CFDP1: variants seen among roughly 807,000 people sequenced by gnomAD.
The protein encoded by CFDP1 is chromatin remodeling protein CFDP1.
In CFDP1, 31 loss-of-function variants were observed where a neutral mutation model predicts 40.1. That is an observed-to-expected ratio of 0.77 (90% CI 0.58 to 1.04). The LOEUF is 1.04. CFDP1 is among the 50% of genes least tolerant of loss of function. The probability of loss-of-function intolerance (pLI) is 0.00; values close to 1 mark genes in which losing one functional copy is unlikely to be tolerated. For missense variants in CFDP1, 423 were observed against 343.4 expected (o/e 1.23, Z -1.83); for synonymous variants, 167 against 120.0 (o/e 1.39, Z -2.56).
intron 5 of CFDP1, among the ~76,000 whole-genome samples, chr16:75,392,947 T>C (rs191211719): frequency 1.3e-5 from 2 of 152,180 alleles, no homozygotes; most frequent in Admixed American, 6.5e-5. Context: ...TTCTGCTCAG[T>C]GGGAGAGAAA....
At chr16:75,373,725 A>T (rs1400116410) in intron 5 of CFDP1, among the ~76,000 whole-genome samples, 1 of 152,118 alleles carries the variant, frequency 6.6e-6, no homozygotes, top group Non-Finnish European at 1.5e-5. Flanking sequence ...ACTCCTGGCT[A>T]CAAGACTGTA....
intron 5 of CFDP1, among the ~76,000 whole-genome samples, chr16:75,375,941 T>C (rs2151543556): frequency 6.6e-6 from 1 of 152,212 alleles, no homozygotes; most frequent in South Asian, 2.1e-4. Flanking sequence ...GACTGAGCGT[T>C]GTGGCTCATG....
At chr16:75,308,597 G>C (rs1270679282) in intron 5 of CFDP1, among the ~76,000 whole-genome samples, 1 of 152,182 alleles carries the variant, frequency 6.6e-6, no homozygotes. Flanking sequence ...ACCAATTCAT[G>C]GAAGAGAATC....
At chr16:75,409,369 G>C (rs1299774557) in intron 4 of CFDP1, 4 of 152,120 alleles carry the variant, frequency 2.6e-5, no homozygotes, top group African/African-American at 7.2e-5. Flanking sequence ...CACTTGGAAG[G>C]GGCAGGTGGC....
chr16:75,317,019 T>C (rs1310737703), intron 5 of CFDP1, among the ~76,000 whole-genome samples: 1 of 151,840 alleles, frequency 6.6e-6, no homozygotes, highest in East Asian at 1.9e-4. Flanking sequence ...AAAATAAAAA[T>C]AAAAAGTAAA....
intron 5 of CFDP1, among the ~76,000 whole-genome samples, chr16:75,373,069 G>A (rs1483292866): frequency 6.6e-6 from 1 of 152,072 alleles, no homozygotes; most frequent in Admixed American, 6.5e-5. Context: ...GAGATAAAAG[G>A]GTGACAATTT....
chr16:75,315,045 C>G (rs553087206), intron 5 of CFDP1, among the ~76,000 whole-genome samples: 1 of 152,166 alleles, frequency 6.6e-6, no homozygotes, highest in African/African-American at 2.4e-5. Context: ...AGCCACCATA[C>G]CTGGCCAGGA....
intron 5 of CFDP1, among the ~76,000 whole-genome samples, chr16:75,318,221 C>T (rs925843808): frequency 7.9e-5 from 12 of 152,082 alleles, no homozygotes; most frequent in South Asian, 4.1e-4. Context: ...GCTGGTCTGA[C>T]GGCTGGAGCC....
At chr16:75,376,633 C>T (rs991962613) in intron 5 of CFDP1, among the ~76,000 whole-genome samples, 4 of 152,112 alleles carry the variant, frequency 2.6e-5, no homozygotes, top group African/African-American at 7.2e-5. Context: ...TCTGGAGTGA[C>T]GGAATCATAC....
intron 5 of CFDP1, among the ~76,000 whole-genome samples, chr16:75,347,006 CTTTA>C (rs1463634052): frequency 1.3e-5 from 2 of 152,008 alleles, no homozygotes; most frequent in African/African-American, 4.8e-5. Flanking sequence ...GTCAGCATTT[CTTTA>C]TTAATAGCAT....
At chr16:75,301,464 C>T (rs1183963311) in intron 6 of CFDP1, among the ~76,000 whole-genome samples, 1 of 151,624 alleles carries the variant, frequency 6.6e-6, no homozygotes, top group Non-Finnish European at 1.5e-5. Flanking sequence ...ACAGCCTGCC[C>T]AGAGCCTGTG....
intron 4 of CFDP1, among the ~76,000 whole-genome samples, chr16:75,402,763 G>A (rs950842767): frequency 6.6e-6 from 1 of 152,032 alleles, no homozygotes; most frequent in African/African-American, 2.4e-5. Flanking sequence ...TTCAGATCTC[G>A]TAAGTCCCCT....
intron 4 of CFDP1, among the ~76,000 whole-genome samples, chr16:75,401,589 G>A (rs1372533404): frequency 6.6e-6 from 1 of 152,004 alleles, no homozygotes; most frequent in Admixed American, 6.6e-5. Context: ...GACAAGGTGC[G>A]ACTCCGTCTC....
At chr16:75,367,735 G>T (rs533426441) in intron 5 of CFDP1, among the ~76,000 whole-genome samples, 52 of 148,456 alleles carry the variant, frequency 3.5e-4, no homozygotes, top group African/African-American at 1.2e-3. Flanking sequence ...AGAGGTTGCC[G>T]TGAGCCAAGA....
intron 5 of CFDP1, among the ~76,000 whole-genome samples, chr16:75,388,456 G>A (rs562814784): frequency 2.6e-5 from 4 of 152,186 alleles, no homozygotes; most frequent in African/African-American, 4.8e-5. Context: ...GGGAAAAGCA[G>A]TTGCCTACAG....
chr16:75,406,457 C>G (rs935321381), intron 4 of CFDP1: 32 of 152,208 alleles, frequency 2.1e-4, no homozygotes, highest in African/African-American at 7.7e-4. Flanking sequence ...AATCCCAGCA[C>G]TTTGGGAGGC....
chr16:75,377,207 T>C (rs531804627), intron 5 of CFDP1, among the ~76,000 whole-genome samples: 2 of 152,330 alleles, frequency 1.3e-5, no homozygotes, highest in East Asian at 3.9e-4. Context: ...AAGGCCCCTG[T>C]GATAATGAAC....
rs71380735 is a variant in CFDP1 at position 75,422,720 on chromosome 16, CA to C, written c.65-8026del. Among the ~76,000 whole-genome samples, 276 of 147,112 alleles carry C rather than the reference CA, an allele frequency of 1.9e-3. 3 individuals are homozygous for C. The highest frequency in any genetic ancestry group is 7.0e-3 in the Middle Eastern group (2 of 286). ...TCTTAGAGAGTCTTAAAACTGTGATCAAAAAAAAAACACGTTTTTAGAGGTT... is the reference window on the plus strand; with the variant it reads ...TCTTAGAGAGTCTTAAAACTGTGATCAAAAAAAAACACGTTTTTAGAGGTT... On this transcript the variant is annotated intron_variant, in intron 1 of 6. Coordinates refer to ENST00000283882, the MANE Select transcript of CFDP1 (RefSeq NM_006324.3).
chr16:75,316,080 G>A (rs1196629402), intron 5 of CFDP1, among the ~76,000 whole-genome samples: 2 of 149,340 alleles, frequency 1.3e-5, no homozygotes, highest in African/African-American at 5.0e-5. Context: ...TGTTTCCTAT[G>A]ACTAGATTCA....
Sources: allele counts gnomAD v4.1 joint callset (sites outside exome capture counted in the v4.1 genomes callset), GRCh38; gene constraint gnomAD v4.1.1; transcripts MANE v1.5; gene names NCBI Gene and HGNC (gene_info 2026-07-23, HGNC 2026-07-21).